Variants in DOCK2 observed in about 807,000 individuals in gnomAD.
The protein encoded by DOCK2 is dedicator of cytokinesis 2.
In DOCK2, 87 loss-of-function variants were observed where a neutral mutation model predicts 248.9. That is an observed-to-expected ratio of 0.35 (90% CI 0.29 to 0.42). DOCK2 has a LOEUF of 0.42. Ranked by LOEUF, DOCK2 falls within the 10% of genes least tolerant of loss-of-function variation. The probability of loss-of-function intolerance (pLI) is 1.00; values close to 1 mark genes in which losing one functional copy is unlikely to be tolerated. For missense variants in DOCK2, 1,747 were observed against 2,300.2 expected (o/e 0.76, Z 4.92); for synonymous variants, 805 against 821.6 (o/e 0.98, Z 0.35).
intron 1 of DOCK2, among the ~76,000 whole-genome samples, chr5:169,651,404 C>T (rs1164601087): frequency 2.0e-5 from 3 of 152,208 alleles, no homozygotes; most frequent in Non-Finnish European, 4.4e-5. Flanking sequence ...AATCTACTGG[C>T]ACCTTCTCAC....
At chr5:169,757,253 T>C (rs1189450364) in intron 23 of DOCK2, among the ~76,000 whole-genome samples, 1 of 152,106 alleles carries the variant, frequency 6.6e-6, no homozygotes, top group Non-Finnish European at 1.5e-5. Context: ...TGATGTTTCC[T>C]GATAAAGATG....
intron 25 of DOCK2, among the ~76,000 whole-genome samples, chr5:169,771,531 T>A (rs1380954627): frequency 1.3e-5 from 2 of 152,318 alleles, no homozygotes; most frequent in East Asian, 3.9e-4. Flanking sequence ...TCCCTCTGCC[T>A]CGGCCTCCCA....
chr5:169,992,808 G>T (rs538396063), intron 29 of DOCK2, among the ~76,000 whole-genome samples: 3 of 152,056 alleles, frequency 2.0e-5, no homozygotes, highest in Non-Finnish European at 4.4e-5. Flanking sequence ...GAAGAAAAAT[G>T]CCTTACTTTT....
chr5:169,706,623 C>T (rs1334109739), intron 14 of DOCK2, among the ~76,000 whole-genome samples: 6 of 152,148 alleles, frequency 3.9e-5, no homozygotes, highest in East Asian at 1.9e-4. Context: ...CTCAGTGCCT[C>T]GGGAAGTTCT....
intron 29 of DOCK2, among the ~76,000 whole-genome samples, chr5:169,990,088 GTT>G (rs5873201): frequency 0.016 from 2,447 of 148,810 alleles, 72 homozygotes; most frequent in African/African-American, 0.056. Context: ...CCCTCTTAAT[GTT>G]TTTTTTTTTC....
At chr5:169,691,999 G>A (rs536167751) in intron 9 of DOCK2, among the ~76,000 whole-genome samples, 61 of 151,960 alleles carry the variant, frequency 4.0e-4, no homozygotes, top group Non-Finnish European at 7.1e-4. Flanking sequence ...GAGACTACAG[G>A]TACATGCTAC....
At position 169,763,612 on chromosome 5, in the gene DOCK2, A is replaced by G. The variant is rs1417294525; in HGVS notation, c.2554+1987A>G. On this transcript the variant is annotated intron_variant, in intron 25 of 51. Coordinates refer to ENST00000520908, the MANE Select transcript of DOCK2 (RefSeq NM_004946.3). The surrounding 1 kb of genome is among the most constrained non-coding windows in gnomAD (Gnocchi z 4.1). The stretch of plus-strand genomic sequence containing the variant: ...TGGGAGGAGGCCTCTGAGGGTTAGC[A>G]TCATGGCAGGGCAGGCTGGACAGCT... Among the ~76,000 whole-genome samples the G allele has an allele frequency of 6.6e-6, 1 of 152,216 alleles. No individual in the cohort carries two copies.
Position 170,078,972 on chromosome 5 carries a change from C to A in DOCK2, c.4995-3C>A. On this transcript the variant is annotated splice_region_variant and splice_polypyrimidine_tract_variant and intron_variant, in intron 48 of 51. Transcript: ENST00000520908. ...TTCTATTGCTGCCCCTCTGGCCTTT[C>A]AGCTTTGACCTGGAATTAGCATCAC... 1 of 1,613,770 alleles carries A rather than the reference C, an allele frequency of 6.2e-7. No individual in the cohort carries two copies. The highest frequency in any genetic ancestry group is 8.5e-7 in the Non-Finnish European group (1 of 1,179,802).
At position 169,759,750 on chromosome 5, in the gene DOCK2, A is replaced by G; in HGVS notation, c.2422A>G (p.Met808Val). 1.2e-6 allele frequency: 2 copies of G among 1,613,988 alleles called. No homozygotes were observed. The highest frequency in any genetic ancestry group is 1.7e-5 in the Admixed American group (1 of 60,032). The stretch of plus-strand genomic sequence containing the variant: ...CCCATCTGTCCTGCATGATGTAGAA[A>G]TGGTCTTTGATGCGAAGTTACTCAG... ...YIPSVLHDVE[M>V]VFDAKLLSQL... Residue 808 changes from methionine (M) to valine (V), a missense_variant, in exon 24 of 52, where the codon ATG becomes GTG. By Grantham distance (21) the Met-to-Val change is conservative (BLOSUM62 1). Coordinates refer to ENST00000520908, the MANE Select transcript of DOCK2 (RefSeq NM_004946.3).
chr5:169,823,591 C>G (rs1768629005), intron 26 of DOCK2, among the ~76,000 whole-genome samples: 1 of 152,160 alleles, frequency 6.6e-6, no homozygotes, highest in African/African-American at 2.4e-5. Context: ...TAAAAACTCT[C>G]AATAAATTAG....
At chr5:169,808,589 T>TCC (rs35461006) in intron 26 of DOCK2, among the ~76,000 whole-genome samples, 2 of 151,596 alleles carry the variant, frequency 1.3e-5, no homozygotes, top group Admixed American at 6.6e-5. Context: ...ACTCCTTTTC[T>TCC]CCCCCCTCAC....
At chr5:169,837,174 A>C (rs992339716) in intron 26 of DOCK2, among the ~76,000 whole-genome samples, 5 of 152,162 alleles carry the variant, frequency 3.3e-5, no homozygotes, top group Non-Finnish European at 7.4e-5. Flanking sequence ...AAGAAAAAAA[A>C]ATCACTACAA....
At position 169,658,377 on chromosome 5, in the gene DOCK2, G is replaced by A. The variant is rs568419503; in HGVS notation, c.127+3891G>A. On this transcript the variant is annotated intron_variant, in intron 2 of 51. Transcript: ENST00000520908. ...TGCCTGTAGTCCCAGCTACTCAGGA[G>A]GCTGAGGCAGGAGAATTGCGTGAAC... is the stretch of plus-strand genomic sequence containing the variant. Among the ~76,000 whole-genome samples the A allele has an allele frequency of 4.6e-5, 7 of 150,846 alleles. No homozygotes were observed. In the East Asian group the frequency reaches 1.4e-3, roughly 30 times the overall value.
intron 22 of DOCK2, among the ~76,000 whole-genome samples, chr5:169,741,147 C>T (rs1763283069): frequency 6.6e-6 from 1 of 152,136 alleles, no homozygotes; most frequent in Non-Finnish European, 1.5e-5. Flanking sequence ...CTGAGTAAGA[C>T]AGCTAACTCT....
chr5:169,667,252 C>A (rs894262153), intron 2 of DOCK2, among the ~76,000 whole-genome samples: 2 of 152,202 alleles, frequency 1.3e-5, no homozygotes, highest in African/African-American at 4.8e-5. Context: ...TCTATTTGCA[C>A]TCTAACCCCA....
intron 27 of DOCK2, among the ~76,000 whole-genome samples, chr5:169,897,197 T>C (rs116333540): frequency 0.058 from 8,777 of 152,270 alleles, 323 homozygotes; most frequent in Non-Finnish European, 0.083. Flanking sequence ...GTGAGCTCTT[T>C]TTTTTTGAGA....
intron 26 of DOCK2, among the ~76,000 whole-genome samples, chr5:169,808,230 G>C (rs1212300973): frequency 6.6e-6 from 1 of 152,116 alleles, no homozygotes; most frequent in Non-Finnish European, 1.5e-5. Context: ...TCCACCTACT[G>C]GAGGCATTGC....
At chr5:169,910,768 G>A (rs904518576) in intron 27 of DOCK2, among the ~76,000 whole-genome samples, 13 of 152,168 alleles carry the variant, frequency 8.5e-5, no homozygotes, top group Admixed American at 6.5e-4. Flanking sequence ...AACTTTTTAG[G>A]TCACAGCTTT....
chr5:170,031,274 GTCATT>G (rs956677276), intron 34 of DOCK2, among the ~76,000 whole-genome samples: 5 of 152,264 alleles, frequency 3.3e-5, no homozygotes, highest in South Asian at 2.1e-4. Flanking sequence ...CCTGTCACAG[GTCATT>G]TCATTTCATT....
Sources: allele counts gnomAD v4.1 joint callset (sites outside exome capture counted in the v4.1 genomes callset), GRCh38; gene constraint gnomAD v4.1.1; non-coding constraint Gnocchi (gnomAD v3.1); transcripts MANE v1.5; gene names NCBI Gene and HGNC (gene_info 2026-07-23, HGNC 2026-07-21).